GPR83: variants seen among roughly 807,000 people sequenced by gnomAD.
GPR83 encodes the protein G-protein coupled receptor 72.
In GPR83, 23 loss-of-function variants were observed where a neutral mutation model predicts 28.0. That is an observed-to-expected ratio of 0.82 (90% CI 0.59 to 1.16). GPR83 has a LOEUF of 1.16. Among genes scored for constraint, GPR83 ranks in the 50% most tolerant of loss-of-function variants. The pLI is 0.00. For synonymous variants in GPR83, 234 were observed against 215.4 expected, an observed-to-expected ratio of 1.09 and a Z score of -0.76; for missense variants, 610 against 536.6, an observed-to-expected ratio of 1.14 and a Z score of -1.35.
At position 94,400,990 on chromosome 11, in the gene GPR83, G is replaced by A; in HGVS notation, c.258C>T (p.Leu86=). The part of the protein sequence containing the change: ...VAYSFIIVFS[L]FGNVLVCHVI... Reference sequence around the variant, plus strand: ...CATGACAGACCAGGACGTTGCCAAAGAGTGAGAAGACAATGATGAAGGAGT... The same window carrying A: ...CATGACAGACCAGGACGTTGCCAAAAAGTGAGAAGACAATGATGAAGGAGT... The change falls in exon 1 of 4, where the codon CTC becomes CTT. Residue 86 remains leucine (L), a synonymous_variant. Coordinates refer to ENST00000243673, the MANE Select transcript of GPR83 (RefSeq NM_016540.4). The A allele has an allele frequency of 6.2e-7, 1 of 1,614,190 alleles. No individual in the cohort carries two copies. Among genetic ancestry groups the A allele is most frequent in the Non-Finnish European group, 8.5e-7 (1 of 1,180,000 alleles).
intron 3 of GPR83, among the ~76,000 whole-genome samples, chr11:94,385,000 T>A (rs1005467082): frequency 2.6e-5 from 4 of 152,114 alleles, no homozygotes; most frequent in Non-Finnish European, 5.9e-5. Context: ...GAGACAAAAC[T>A]TCCAGAGGAA....
At chr11:94,400,715 G>C in intron 1 of GPR83, 146 bp downstream of exon 1, 1 of 665,768 alleles carries the variant, frequency 1.5e-6, no homozygotes, top group Non-Finnish European at 2.6e-6. Context: ...AGAGGCAGAG[G>C]AGAGGAGAAA....
chr11:94,379,717 G>A lies in GPR83; in HGVS notation c.*432C>T, dbSNP rs3740864. 13,777 of 154,660 alleles carry A rather than the reference G, an allele frequency of 0.089. 720 individuals carry two copies. The highest frequency in any genetic ancestry group is 0.15 in the Middle Eastern group (46 of 304). The allele number at this position is 154,660 out of a possible 1,614,324, so 9.6% of individuals were successfully genotyped here. On this transcript the variant is annotated 3_prime_UTR_variant, in exon 4 of 4. Transcript: ENST00000243673. ...TGGCTTGCTGGCATTTCCCTGGCCC[G>A]TGTACCTGTTTCAAGCAGAGCTCTG...
intron 3 of GPR83, among the ~76,000 whole-genome samples, chr11:94,391,334 C>T (rs1475715565): frequency 1.3e-5 from 2 of 152,090 alleles, no homozygotes; most frequent in African/African-American, 4.8e-5. Context: ...CAAGATGGAT[C>T]AAAGACTTAA....
intron 3 of GPR83, among the ~76,000 whole-genome samples, chr11:94,383,854 CA>C (rs548991562): frequency 2.0e-5 from 3 of 152,024 alleles, no homozygotes; most frequent in African/African-American, 7.2e-5. Context: ...GCCTACCAAC[CA>C]AAAAAAGTCC....
chr11:94,396,163 T>C (rs780095953), intron 2 of GPR83, among the ~76,000 whole-genome samples: 2 of 151,894 alleles, frequency 1.3e-5, no homozygotes, highest in Non-Finnish European at 2.9e-5. Context: ...GAGGTTGCAG[T>C]GAGTCGAGAT....
chr11:94,400,033 C>G (rs541654354), intron 1 of GPR83, among the ~76,000 whole-genome samples: 1 of 152,332 alleles, frequency 6.6e-6, no homozygotes, highest in Admixed American at 6.5e-5. Flanking sequence ...GCCTCATTAT[C>G]AACCCACAGA....
intron 2 of GPR83, among the ~76,000 whole-genome samples, chr11:94,393,879 A>G (rs1414851257): frequency 3.3e-5 from 5 of 152,178 alleles, no homozygotes; most frequent in African/African-American, 1.2e-4. Flanking sequence ...GGCAGGCCCT[A>G]TTGATAAAGT....
rs1429561570 is a variant in GPR83, at chr11:94,380,646, A to G, written c.775T>C (p.Tyr259His). The G allele has an allele frequency of 2.5e-6, 4 of 1,613,986 alleles. No individual in the cohort carries two copies. The highest frequency in any genetic ancestry group is 3.4e-6 in the Non-Finnish European group (4 of 1,180,034). ...ILPLLIISVA[Y>H]ARVAKKLWLC... is the part of the protein sequence containing the mutation. ...CACAGTTTCTTGGCCACACGAGCGT[A>G]GGCCACAGAGATGATGAGGAGGGGC... is the stretch of plus-strand genomic sequence containing the variant. Residue 259 changes from tyrosine (Y) to histidine (H), a missense_variant, in exon 4 of 4, where the codon TAC becomes CAC. Tyr to His is a moderately conservative substitution (Grantham distance 83, BLOSUM62 2). Coordinates refer to ENST00000243673, the MANE Select transcript of GPR83 (RefSeq NM_016540.4).
rs57302833 is a variant in GPR83 at position 94,382,343 on chromosome 11, CAAAAAAAA to C, written c.648-1578_648-1571del. Among the ~76,000 whole-genome samples, 5 of 67,302 alleles carry C rather than the reference CAAAAAAAA, an allele frequency of 7.4e-5. No individual in the cohort carries two copies. The Admixed American group carries it at 9.4e-4, about 13-fold the overall frequency. 44.2% of individuals were successfully genotyped at this position (67,302 alleles called of 152,430 possible). On this transcript the variant is annotated intron_variant, in intron 3 of 3. Transcript: ENST00000243673. ...GGGCAACAAGAGTGAAACACCATCTCAAAAAAAAAAAAAAAAAAAAAAAAGCAGGAGTT... is the reference window on the plus strand; with the variant it reads ...GGGCAACAAGAGTGAAACACCATCTCAAAAAAAAAAAAAAAAGCAGGAGTT...
At chr11:94,395,190 C>G (rs1944854362) in intron 2 of GPR83, among the ~76,000 whole-genome samples, 1 of 152,236 alleles carries the variant, frequency 6.6e-6, no homozygotes, top group Admixed American at 6.5e-5. Flanking sequence ...TTGTCATCCT[C>G]ACTTTGCTCT....
rs1944638505 is a variant in GPR83, at chr11:94,377,912, G to A, written c.*2237C>T. 6.6e-6 allele frequency: 1 copy of A among 152,160 alleles called. No homozygotes were observed. The highest frequency in any genetic ancestry group is 6.5e-5 in the Admixed American group (1 of 15,272). 9.4% of individuals were successfully genotyped at this position (152,160 alleles called of 1,614,324 possible). A position where few individuals can be genotyped will look rare whatever the true frequency, so the allele number is the denominator to read the frequency against. On this transcript the variant is annotated 3_prime_UTR_variant, in exon 4 of 4. Coordinates refer to ENST00000243673, the MANE Select transcript of GPR83 (RefSeq NM_016540.4). The stretch of plus-strand genomic sequence containing the variant: ...TGTATTCCTAGACACCCTCAGAGAG[G>A]AGTGAAGTACAACATCCTCCATGCT...
chr11:94,388,275 C>T (rs1451219207), intron 3 of GPR83, among the ~76,000 whole-genome samples: 3 of 152,198 alleles, frequency 2.0e-5, no homozygotes, highest in Admixed American at 6.5e-5. Flanking sequence ...GACAGGCATG[C>T]CCTCTCTCAC....
rs534538377 is a variant in GPR83 at position 94,377,333 on chromosome 11, A to T, written c.*2816T>A. On this transcript the variant is annotated 3_prime_UTR_variant, in exon 4 of 4. Transcript: ENST00000243673. The stretch of plus-strand genomic sequence containing the variant: ...AGGCACAGTCCACAAACCTGAAGTA[A>T]ATTTTATTGAGATGAGCAATTTACA... The T allele has an allele frequency of 1.3e-5, 2 of 152,320 alleles. No individual in the cohort carries two copies. The highest frequency in any genetic ancestry group is 4.1e-4 in the South Asian group (2 of 4,826). 9.4% of individuals were successfully genotyped at this position (152,320 alleles called of 1,614,324 possible). A position where few individuals can be genotyped will look rare whatever the true frequency, so the allele number is the denominator to read the frequency against.
chr11:94,386,823 G>A (rs1018710471), intron 3 of GPR83, among the ~76,000 whole-genome samples: 6 of 152,112 alleles, frequency 3.9e-5, no homozygotes, highest in African/African-American at 1.2e-4. Flanking sequence ...TGCACCAAGT[G>A]GACCTAATAG....
In GPR83 at chr11:94,390,419, A is replaced by G. The variant is rs577267469; in HGVS notation, c.647+3066T>C. 2.4e-4 allele frequency among the ~76,000 whole-genome samples: 37 copies of G among 152,304 alleles called. No homozygotes were observed. The East Asian group carries it at 6.8e-3, about 28-fold the overall frequency. ...TCCCTTTGAAAACTGGCATAAAATA[A>G]GGATGCCGTCTCTCACCACTCCTAT... is the stretch of plus-strand genomic sequence containing the variant. On this transcript the variant is annotated intron_variant, in intron 3 of 3. Transcript: ENST00000243673.
intron 1 of GPR83, among the ~76,000 whole-genome samples, chr11:94,397,154 C>T (rs191898289): frequency 2.9e-4 from 44 of 152,264 alleles, no homozygotes; most frequent in African/African-American, 9.4e-4. Context: ...GGGGAGGACA[C>T]CCAGGGACCT....
intron 3 of GPR83, among the ~76,000 whole-genome samples, chr11:94,381,584 C>T (rs61905732): frequency 2.8e-4 from 40 of 141,906 alleles, no homozygotes; most frequent in Middle Eastern, 3.7e-3. Flanking sequence ...TGTGTGCGCG[C>T]GTGCTGCAGG....
rs3834443 is a variant in GPR83, at chr11:94,399,104, GCC to G, written c.387+1755_387+1756del. On this transcript the variant is annotated intron_variant, in intron 1 of 3. Transcript: ENST00000243673. ...CTGGCTCTGGGCAGCAGCAAAAAAG[GCC>G]ATGTTCTGTGGCTTCCCAGTTCCCA... Among the ~76,000 whole-genome samples the G allele has an allele frequency of 6.4e-4, 98 of 152,230 alleles. No individual in the cohort carries two copies. In the East Asian group the frequency reaches 0.018, roughly 27 times the overall value.
Sources: gnomAD v4.1 joint callset for allele counts (sites outside exome capture counted in the v4.1 genomes callset) on GRCh38, gnomAD v4.1.1 for gene constraint, MANE v1.5 for transcripts, NCBI Gene and HGNC (gene_info 2026-07-23, HGNC 2026-07-21) for gene names.